The following DAB1 variants were observed in gnomAD, a reference collection of about 807,000 sequenced individuals.
DAB1 encodes DAB adaptor protein 1.
Under a neutral mutation model 64.6 loss-of-function variants are expected in DAB1, and 15 were observed. That is an observed-to-expected ratio of 0.23 (90% confidence interval 0.16 to 0.36). The LOEUF (loss-of-function observed/expected upper bound fraction) is 0.36. Ranked by LOEUF, DAB1 falls within the 10% of genes least tolerant of loss-of-function variation. The pLI is 1.00. For missense variants in DAB1, 596 were observed against 706.7 expected (o/e 0.84, Z 1.78); for synonymous variants, 235 against 251.9 (o/e 0.93, Z 0.64).
chr1:58,106,111 T>A (rs1209026598), intron 5 of DAB1, among the ~76,000 whole-genome samples: 1 of 151,518 alleles, frequency 6.6e-6, no homozygotes, highest in African/African-American at 2.4e-5. Context: ...CTTCCTTCCT[T>A]TTCTTTCTTC....
intron 6 of DAB1, among the ~76,000 whole-genome samples, chr1:57,761,550 C>A (rs879301842): frequency 1.3e-5 from 2 of 152,208 alleles, no homozygotes; most frequent in Non-Finnish European, 2.9e-5. Flanking sequence ...TACCCCAAGG[C>A]TTTCCCAGAG....
intron 5 of DAB1, among the ~76,000 whole-genome samples, chr1:58,121,502 G>T (rs550456541): frequency 2.0e-5 from 3 of 152,044 alleles, no homozygotes; most frequent in Non-Finnish European, 4.4e-5. Flanking sequence ...CTCCCTGTAG[G>T]TTCAAGTCAA....
chr1:58,267,231 T>A (rs1463394579), intron 4 of DAB1, among the ~76,000 whole-genome samples: 1 of 151,764 alleles, frequency 6.6e-6, no homozygotes, highest in Non-Finnish European at 1.5e-5. Flanking sequence ...AAAAAATAAA[T>A]GAAATAAAAT....
chr1:58,453,712 G>A (rs148913701), intron 3 of DAB1, among the ~76,000 whole-genome samples: 124 of 152,234 alleles, frequency 8.1e-4, no homozygotes, highest in African/African-American at 2.9e-3. Flanking sequence ...CAGCTACCTC[G>A]GGTTCTGTTT....
intron 4 of DAB1, among the ~76,000 whole-genome samples, chr1:58,269,045 G>A (rs1460536335): frequency 6.7e-6 from 1 of 150,146 alleles, no homozygotes; most frequent in Non-Finnish European, 1.5e-5. Context: ...TTAAGTTTTA[G>A]GGTACATGTG....
intron 3 of DAB1, among the ~76,000 whole-genome samples, chr1:58,464,027 T>C (rs962111577): frequency 2.0e-5 from 3 of 152,172 alleles, no homozygotes; most frequent in Admixed American, 6.5e-5. Flanking sequence ...GAAGACCAGA[T>C]ACTGAACGAC....
intron 4 of DAB1, among the ~76,000 whole-genome samples, chr1:58,153,750 T>G (rs1289541049): frequency 1.3e-5 from 2 of 151,284 alleles, no homozygotes; most frequent in African/African-American, 4.9e-5. Context: ...TCTTACAGAA[T>G]AGAGTTGCCA....
At chr1:57,151,975 G>T (rs550729171) in intron 2 of DAB1, among the ~76,000 whole-genome samples, 87 of 151,898 alleles carry the variant, frequency 5.7e-4, no homozygotes, top group African/African-American at 2.0e-3. Flanking sequence ...CACCATGCCC[G>T]GCTGATTTTT....
intron 2 of DAB1, among the ~76,000 whole-genome samples, chr1:57,280,721 C>T (rs981471597): frequency 6.6e-6 from 1 of 152,256 alleles, no homozygotes; most frequent in East Asian, 1.9e-4. Context: ...CATGATTGGA[C>T]ACACATCACA....
intron 2 of DAB1, among the ~76,000 whole-genome samples, chr1:57,268,743 A>G (rs1027110924): frequency 6.6e-6 from 1 of 152,254 alleles, no homozygotes; most frequent in African/African-American, 2.4e-5. Flanking sequence ...ATGAGTGAAT[A>G]CAGAGGCTTC....
Position 57,579,790 on chromosome 1 carries a change from G to C in DAB1, n.625+69802C>G, listed in dbSNP as rs758164869. ...ATGTGCAACCTCTGCAACATCCCTG[G>C]AAAGTGGTGTTTTAATCATATTACC... On this transcript the variant is annotated intron_variant and non_coding_transcript_variant, in intron 7 of 20. Coordinates refer to the DAB1 transcript ENST00000485760. Among the ~76,000 whole-genome samples the C allele has an allele frequency of 3.2e-4, 49 of 152,176 alleles. 1 individual carries two copies. The highest frequency in any genetic ancestry group is 2.0e-4 in the Admixed American group (3 of 15,274).
chr1:58,390,746 C>G (rs998308214), intron 3 of DAB1, among the ~76,000 whole-genome samples: 16 of 152,182 alleles, frequency 1.1e-4, no homozygotes, highest in Non-Finnish European at 8.8e-5. Flanking sequence ...CCCATCCTCC[C>G]AATAGTAGAT....
intron 6 of DAB1, among the ~76,000 whole-genome samples, chr1:57,814,445 T>C (rs1429013277): frequency 2.0e-5 from 3 of 152,272 alleles, no homozygotes; most frequent in African/African-American, 7.2e-5. Flanking sequence ...TAGAAAAATA[T>C]ATATTCATTT....
intron 2 of DAB1, among the ~76,000 whole-genome samples, chr1:57,274,922 C>T (rs553128742): frequency 3.5e-5 from 4 of 113,812 alleles, no homozygotes; most frequent in Admixed American, 1.1e-4. Context: ...ATGGGCTTAA[C>T]TGCTTAAAAA....
At chr1:57,214,047 T>A (rs183999574) in intron 2 of DAB1, among the ~76,000 whole-genome samples, 276 of 152,310 alleles carry the variant, frequency 1.8e-3, no homozygotes, top group African/African-American at 6.5e-3. Flanking sequence ...AGAAAACACT[T>A]GTCTTAGTCC....
intron 6 of DAB1, among the ~76,000 whole-genome samples, chr1:57,652,009 T>C (rs1240743051): frequency 6.6e-6 from 1 of 152,150 alleles, no homozygotes; most frequent in Non-Finnish European, 1.5e-5. Context: ...TAAATGATAA[T>C]AGCCTTCCCA....
chr1:58,519,212 C>G lies in DAB1; in HGVS notation n.107+8049G>C, dbSNP rs908657671. 3.9e-5 allele frequency among the ~76,000 whole-genome samples: 6 copies of G among 152,314 alleles called. 1 individual carries two copies. In the South Asian group the frequency reaches 1.2e-3, roughly 32 times the overall value. On this transcript the variant is annotated intron_variant and non_coding_transcript_variant, in intron 2 of 20. Transcript: ENST00000485760. ...TACTCCCTTTTCCACTGCCAATCCT[C>G]AAACACTGACAAACCAGTTTACTTG...
At chr1:57,785,085 C>A (rs534373158) in intron 6 of DAB1, among the ~76,000 whole-genome samples, 2 of 152,292 alleles carry the variant, frequency 1.3e-5, no homozygotes, top group African/African-American at 4.8e-5. Flanking sequence ...GCTAAATCTA[C>A]TCTGCCTGTG....
intron 5 of DAB1, among the ~76,000 whole-genome samples, chr1:58,059,081 C>A (rs1370815665): frequency 6.6e-6 from 1 of 152,196 alleles, no homozygotes; most frequent in Non-Finnish European, 1.5e-5. Flanking sequence ...CACCTTCTTG[C>A]TCTGCACATA....
Sources: gnomAD v4.1 joint callset for allele counts (sites outside exome capture counted in the v4.1 genomes callset) on GRCh38, gnomAD v4.1.1 for gene constraint, MANE v1.5 for transcripts, NCBI Gene and HGNC (gene_info 2026-07-23, HGNC 2026-07-21) for gene names.